Variants in ITCH observed in about 807,000 individuals in gnomAD.
ITCH encodes itchy E3 ubiquitin protein ligase, also known as E3 ubiquitin-protein ligase Itchy homolog.
In ITCH, 28 loss-of-function variants were observed where a neutral mutation model predicts 126.8. The observed-to-expected ratio is 0.22, with a 90% CI of 0.16 to 0.30. The LOEUF is 0.30. Ranked by LOEUF, ITCH falls within the 10% of genes least tolerant of loss-of-function variation. The probability of loss-of-function intolerance (pLI) is 1.00; values close to 1 mark genes in which losing one functional copy is unlikely to be tolerated. For missense variants in ITCH, 631 were observed against 1,032.4 expected (o/e 0.61, Z 5.33); for synonymous variants, 342 against 340.0 (o/e 1.01, Z -0.06).
chr20:34,449,289 T>A (rs1984874671), intron 11 of ITCH, 122 bp from the exon 12 acceptor site: 5 of 650,040 alleles, frequency 7.7e-6, no homozygotes, highest in Admixed American at 2.5e-5. Flanking sequence ...ATGTGACACT[T>A]CTTTAAGATA....
At chr20:34,502,571 G>A (rs1990328549) in intron 23 of ITCH, among the ~76,000 whole-genome samples, 1 of 149,070 alleles carries the variant, frequency 6.7e-6, no homozygotes, top group Non-Finnish European at 1.5e-5. Flanking sequence ...TTAGCCGGGT[G>A]TGGTAGTGGG....
At chr20:34,418,122 A>G (rs1354887120) in intron 6 of ITCH, among the ~76,000 whole-genome samples, 1 of 151,776 alleles carries the variant, frequency 6.6e-6, no homozygotes, top group East Asian at 1.9e-4. Flanking sequence ...GCACTCAGCC[A>G]CACCCAGCTA....
intron 4 of ITCH, among the ~76,000 whole-genome samples, chr20:34,412,000 TAA>T (rs1252994896): frequency 4.6e-5 from 7 of 152,210 alleles, no homozygotes; most frequent in Admixed American, 4.6e-4. Context: ...CTTTTTAATA[TAA>T]AGTTTAATGT....
Position 34,504,247 on chromosome 20 carries a change from A to G in ITCH, c.2417-84A>G. 3.0e-6 allele frequency: 3 copies of G among 1,009,040 alleles called. No individual in the cohort carries two copies. The South Asian group carries it at 3.9e-5, about 13-fold the overall frequency. 62.5% of individuals were successfully genotyped at this position (1,009,040 alleles called of 1,614,324 possible). A position where few individuals can be genotyped will look rare whatever the true frequency, so the allele number is the denominator to read the frequency against. ...ATTTATGGTTCTAACAAGTTCCCTC[A>G]TGATGCTGATGCTTGTTGGATTGGG... On this transcript the variant is annotated intron_variant, in intron 23 of 24. Transcript: ENST00000374864.
intron 23 of ITCH, among the ~76,000 whole-genome samples, chr20:34,495,892 T>C (rs1156302725): frequency 8.5e-6 from 1 of 117,142 alleles, no homozygotes; most frequent in Non-Finnish European, 1.7e-5. Flanking sequence ...CTGGTCAACA[T>C]AGTGAAACCC....
intron 20 of ITCH, among the ~76,000 whole-genome samples, chr20:34,484,092 A>T (rs1285327439): frequency 6.6e-6 from 1 of 152,168 alleles, no homozygotes; most frequent in Non-Finnish European, 1.5e-5. Flanking sequence ...CTCCCATAAC[A>T]CATAGGAATT....
intron 23 of ITCH, among the ~76,000 whole-genome samples, chr20:34,497,722 G>A (rs1400915259): frequency 6.6e-6 from 1 of 152,210 alleles, no homozygotes; most frequent in Non-Finnish European, 1.5e-5. Flanking sequence ...GGGATTACAG[G>A]CATATGCCAC....
chr20:34,483,719 CGTCT>C (rs1568992988), intron 20 of ITCH, among the ~76,000 whole-genome samples: 1 of 152,216 alleles, frequency 6.6e-6, no homozygotes, highest in African/African-American at 2.4e-5. Context: ...ACTGTTCCAA[CGTCT>C]GCCTGTTACC....
At chr20:34,405,784 TTTTTTA>T (rs2039038513) in intron 3 of ITCH, among the ~76,000 whole-genome samples, 1 of 151,728 alleles carries the variant, frequency 6.6e-6, no homozygotes, top group Non-Finnish European at 1.5e-5. Context: ...ATAGTACTTT[TTTTTTA>T]TTTTTTATTT....
rs951022116 is a variant in ITCH, at chr20:34,442,665, A to G, written c.965+362A>G. On this transcript the variant is annotated intron_variant, in intron 10 of 24. Transcript: ENST00000374864. ...ATCATGCCTGGCCCTATTTTCACTC[A>G]TTTCTGACCTAAAGATTCCTTAGGT... is the stretch of plus-strand genomic sequence containing the variant. Among the ~76,000 whole-genome samples the G allele has an allele frequency of 2.0e-5, 3 of 148,646 alleles. 1 individual carries two copies. Among genetic ancestry groups the G allele is most frequent in the Non-Finnish European group, 3.0e-5 (2 of 67,272 alleles).
intron 3 of ITCH, 105 bp from the exon 4 acceptor site, chr20:34,408,546 T>C: frequency 1.9e-6 from 2 of 1,059,206 alleles, no homozygotes; most frequent in Non-Finnish European, 2.8e-6. Flanking sequence ...GCAAAACTGC[T>C]TCTCTGAGTA....
At chr20:34,474,630 C>T (rs1987965019) in intron 16 of ITCH, among the ~76,000 whole-genome samples, 2 of 152,244 alleles carry the variant, frequency 1.3e-5, no homozygotes, top group Admixed American at 6.5e-5. Flanking sequence ...GCTTTCTATT[C>T]CACAAAACCG....
chr20:34,424,491 A>G lies in ITCH; in HGVS notation c.487A>G (p.Asn163Asp). ...ETTCSESASQ[N>D]DDGSRSKDET... ...CTTTGATGTTAAAGGTGCTTCTCAGAATGATGATGGCTCCAGATCCAAGGA... is the reference window on the plus strand; with the variant it reads ...CTTTGATGTTAAAGGTGCTTCTCAGGATGATGATGGCTCCAGATCCAAGGA... Residue 163 changes from asparagine (N) to aspartate (D), a missense_variant, in exon 7 of 25, where the codon AAT becomes GAT. Transcript: ENST00000374864. 3 of 1,613,464 alleles carry G rather than the reference A, an allele frequency of 1.9e-6. No homozygotes were observed. Among genetic ancestry groups the G allele is most frequent in the Non-Finnish European group, 2.5e-6 (3 of 1,179,412 alleles).
Position 34,510,439 on chromosome 20 carries a change from GTTAAT to G in ITCH, c.*2648_*2652del, listed in dbSNP as rs1978655548. ...AGCATTGTAAATGCTAATAAATCCT[GTTAAT>G]TTTTTTTTTTTTTTTTTTTTTTTTT... On this transcript the variant is annotated 3_prime_UTR_variant, in exon 25 of 25. Transcript: ENST00000374864. 1 of 83,832 alleles carries G rather than the reference GTTAAT, an allele frequency of 1.2e-5. No individual in the cohort carries two copies. The highest frequency in any genetic ancestry group is 3.7e-4 in the South Asian group (1 of 2,720). The allele number at this position is 83,832 out of a possible 1,614,324, so 5.2% of individuals were successfully genotyped here. A position where few individuals can be genotyped will look rare whatever the true frequency, so the allele number is the denominator to read the frequency against.
In ITCH at chr20:34,364,108, A is replaced by C. The variant is rs1207594209; in HGVS notation, c.-99+759A>C. Among the ~76,000 whole-genome samples, 3 of 152,228 alleles carry C rather than the reference A, an allele frequency of 2.0e-5. No homozygotes were observed. In the East Asian group the frequency reaches 5.8e-4, roughly 29 times the overall value. The stretch of plus-strand genomic sequence containing the variant: ...GTGGAGAACTCAAGTTTTCCAAGAC[A>C]GTTCCCGTCCGCGACAGAAAAGAGA... On this transcript the variant is annotated intron_variant, in intron 1 of 24. Transcript: ENST00000374864.
intron 20 of ITCH, 77 bp downstream of exon 20, chr20:34,481,283 G>T (rs898428633): frequency 5.8e-6 from 8 of 1,387,652 alleles, no homozygotes; most frequent in African/African-American, 1.4e-5. Context: ...TACTAATGGA[G>T]AGTATCTCCA....
chr20:34,434,876 G>T (rs1157995536), intron 7 of ITCH, among the ~76,000 whole-genome samples: 1 of 152,114 alleles, frequency 6.6e-6, no homozygotes, highest in Non-Finnish European at 1.5e-5. Context: ...TGTTGGCTTG[G>T]TCTCTTTGAC....
At chr20:34,400,939 A>G (rs950032600) in intron 3 of ITCH, among the ~76,000 whole-genome samples, 2 of 152,060 alleles carry the variant, frequency 1.3e-5, no homozygotes, top group East Asian at 1.9e-4. Context: ...TTGTATTTTT[A>G]GTAGAGATGA....
At chr20:34,453,959 A>T (rs991513839) in intron 12 of ITCH, among the ~76,000 whole-genome samples, 1 of 151,486 alleles carries the variant, frequency 6.6e-6, no homozygotes, top group Non-Finnish European at 1.5e-5. Flanking sequence ...GCGCCACTGC[A>T]CTCCAGTCCA....
Sources: gnomAD v4.1 joint callset for allele counts (sites outside exome capture counted in the v4.1 genomes callset) on GRCh38, gnomAD v4.1.1 for gene constraint, MANE v1.5 for transcripts, NCBI Gene and HGNC (gene_info 2026-07-23, HGNC 2026-07-21) for gene names.